SAP30BP: variants seen among roughly 807,000 people sequenced by gnomAD.
SAP30BP encodes SAP30 binding protein.
A neutral mutation model predicts 46.3 loss-of-function variants in SAP30BP; 31 were observed. The observed-to-expected ratio is 0.67, with a 90% CI of 0.50 to 0.90. The LOEUF (loss-of-function observed/expected upper bound fraction) is 0.90. Among genes scored for constraint, SAP30BP ranks in the 40% least tolerant of loss-of-function variants. The pLI is 0.00. For synonymous variants in SAP30BP, 169 were observed against 144.2 expected, an observed-to-expected ratio of 1.17 and a Z score of -1.23; for missense variants, 312 against 391.0, an observed-to-expected ratio of 0.80 and a Z score of 1.70.
At chr17:75,701,638 C>T (rs972525453) in intron 5 of SAP30BP, among the ~76,000 whole-genome samples, 1 of 152,196 alleles carries the variant, frequency 6.6e-6, no homozygotes, top group African/African-American at 2.4e-5. Flanking sequence ...CCATAAAAGA[C>T]ACATTCTAAA....
At chr17:75,678,104 C>G (rs2060019907) in intron 3 of SAP30BP, among the ~76,000 whole-genome samples, 1 of 151,966 alleles carries the variant, frequency 6.6e-6, no homozygotes, top group African/African-American at 2.4e-5. Flanking sequence ...AGTTCAAGCT[C>G]TGGAATGAGA....
intron 4 of SAP30BP, among the ~76,000 whole-genome samples, chr17:75,698,982 A>G (rs1039010904): frequency 1.3e-5 from 2 of 152,136 alleles, no homozygotes; most frequent in Non-Finnish European, 2.9e-5. Flanking sequence ...GGCTTGATCC[A>G]ACAGTTCAAG....
chr17:75,693,532 A>T, intron 4 of SAP30BP, 50 bp downstream of exon 4: 1 of 1,583,568 alleles, frequency 6.3e-7, no homozygotes, highest in Non-Finnish European at 8.7e-7. Context: ...TGCTCCTAGC[A>T]GCCTGGCTTC....
Position 75,668,619 on chromosome 17 carries a change from ACAGT to A in SAP30BP, c.212_215del (p.Gln71ArgfsTer72). 1 of 1,586,572 alleles carries A rather than the reference ACAGT, an allele frequency of 6.3e-7. No individual in the cohort carries two copies. Among genetic ancestry groups the A allele is most frequent in the Non-Finnish European group, 8.6e-7 (1 of 1,163,418 alleles). On this transcript the variant is annotated frameshift_variant and splice_region_variant, in exon 2 of 11. Transcript: ENST00000584667. LOFTEE classifies it high-confidence loss of function. ...AAGAAGAAGAAGATGAGAACAGTAG[ACAGT>A]CGGTAGGTAAATCTCCCAGATCCAG... is the stretch of plus-strand genomic sequence containing the variant.
rs199890182 is a variant in SAP30BP at position 75,703,804 on chromosome 17, G to T, written c.550-4G>T. 1.3e-3 allele frequency: 2,092 copies of T among 1,613,348 alleles called. 5 individuals carry two copies. Among genetic ancestry groups the T allele is most frequent in the Non-Finnish European group, 1.4e-3 (1,626 of 1,179,270 alleles). ...ATCTGAGTCATTCGCCTTTTCCTTT[G>T]CAGGATATGTTTGATCCCCATGGCT... is the stretch of plus-strand genomic sequence containing the variant. On this transcript the variant is annotated splice_region_variant and splice_polypyrimidine_tract_variant and intron_variant, in intron 7 of 10. Transcript: ENST00000584667.
chr17:75,691,336 T>A (rs889988462), intron 3 of SAP30BP: 4 of 428,516 alleles, frequency 9.3e-6, no homozygotes, highest in Non-Finnish European at 1.8e-5. Flanking sequence ...AGGAAAAAAA[T>A]AAAATAAAGG....
intron 2 of SAP30BP, 61 bp from the exon 3 acceptor site, chr17:75,671,755 C>A: frequency 7.7e-7 from 1 of 1,301,576 alleles, no homozygotes; most frequent in Non-Finnish European, 1.1e-6. Flanking sequence ...CCTAGTTATG[C>A]ATGTGAGACT....
At chr17:75,692,132 G>A (rs548830007) in intron 3 of SAP30BP, 1 of 739,324 alleles carries the variant, frequency 1.4e-6, no homozygotes, top group African/African-American at 1.9e-5. Context: ...CTGCCAGGTT[G>A]AATGAATAGC....
chr17:75,674,710 T>TTTTTTTTTTTTTTTTTTTG (rs2059963316), intron 3 of SAP30BP, among the ~76,000 whole-genome samples: 1 of 124,912 alleles, frequency 8.0e-6, no homozygotes, highest in Non-Finnish European at 1.7e-5. Context: ...TTTTTTTTTT[T>TTTTTTTTTTTTTTTTTTTG]TTTTTTTTTT....
rs66721865 is a variant in SAP30BP at position 75,674,697 on chromosome 17, G to GTTT, written c.264+2860_264+2862dup. Among the ~76,000 whole-genome samples the GTTT allele has an allele frequency of 1.4e-3, 89 of 61,538 alleles. 14 individuals carry two copies. Among genetic ancestry groups the GTTT allele is most frequent in the South Asian group, 2.4e-3 (3 of 1,238 alleles). The allele number at this position is 61,538 out of a possible 152,430, so 40.4% of individuals were successfully genotyped here. A position where few individuals can be genotyped will look rare whatever the true frequency, so the allele number is the denominator to read the frequency against. Reference sequence around the variant, plus strand: ...TATGAAGTTTTTTTGTTTGTTTTTTGTTTTTTTTTTTTTTTTTTTTTTTTT... The same window carrying GTTT: ...TATGAAGTTTTTTTGTTTGTTTTTTGTTTTTTTTTTTTTTTTTTTTTTTTTTTT... On this transcript the variant is annotated intron_variant, in intron 3 of 10. Coordinates refer to ENST00000584667, the MANE Select transcript of SAP30BP (RefSeq NM_013260.8).
intron 3 of SAP30BP, among the ~76,000 whole-genome samples, chr17:75,674,702 T>TTTTG (rs2059961685): frequency 1.2e-4 from 6 of 51,978 alleles, no homozygotes; most frequent in Non-Finnish European, 2.2e-4. Flanking sequence ...TTTTTGTTTT[T>TTTTG]TTTTTTTTTT....
intron 3 of SAP30BP, 156 bp from the exon 4 acceptor site, chr17:75,693,284 G>C (rs751876888): frequency 6.6e-6 from 4 of 608,490 alleles, no homozygotes; most frequent in South Asian, 2.1e-5. Context: ...GGAGGCTCGG[G>C]GGTGCCAGAG....
intron 9 of SAP30BP, 125 bp from the exon 10 acceptor site, chr17:75,705,883 A>G (rs954595200): frequency 7.2e-7 from 1 of 1,382,766 alleles, no homozygotes; most frequent in African/African-American, 1.4e-5. Context: ...TGGGCAGAGC[A>G]GAGTTCATTT....
chr17:75,670,280 C>T (rs2059889324), intron 2 of SAP30BP, among the ~76,000 whole-genome samples: 1 of 151,982 alleles, frequency 6.6e-6, no homozygotes, highest in Non-Finnish European at 1.5e-5. Context: ...CGAGATCACG[C>T]CACTGCACTC....
chr17:75,689,179 A>G (rs1418891315), intron 3 of SAP30BP, among the ~76,000 whole-genome samples: 4 of 141,888 alleles, frequency 2.8e-5, no homozygotes, highest in African/African-American at 1.1e-4. Context: ...TTTGGAGACA[A>G]TCTTGCTCTT....
At chr17:75,689,222 C>T (rs820221) in intron 3 of SAP30BP, among the ~76,000 whole-genome samples, 50,114 of 148,320 alleles carry the variant, frequency 0.34, 8,795 homozygotes, top group East Asian at 0.53. Flanking sequence ...AATCTCGGCT[C>T]ACTGCAACCT....
intron 3 of SAP30BP, among the ~76,000 whole-genome samples, chr17:75,676,693 G>A (rs1227513144): frequency 6.6e-6 from 1 of 152,210 alleles, no homozygotes; most frequent in East Asian, 1.9e-4. Flanking sequence ...CGTGGCTTCA[G>A]TAACCTGAGG....
intron 3 of SAP30BP, among the ~76,000 whole-genome samples, chr17:75,687,917 G>GGT (rs68006166): frequency 0.13 from 15,989 of 120,056 alleles, 868 homozygotes; most frequent in Admixed American, 0.2. Context: ...CAGTGTTTGG[G>GGT]GTGTGTGTGT....
At chr17:75,686,750 A>G (rs1353684467) in intron 3 of SAP30BP, among the ~76,000 whole-genome samples, 1 of 152,084 alleles carries the variant, frequency 6.6e-6, no homozygotes, top group African/African-American at 2.4e-5. Flanking sequence ...TGTGCTAGCA[A>G]TGGGCTTTCT....
Sources: allele counts gnomAD v4.1 joint callset (sites outside exome capture counted in the v4.1 genomes callset), GRCh38; gene constraint gnomAD v4.1.1; transcripts MANE v1.5; gene names NCBI Gene and HGNC (gene_info 2026-07-23, HGNC 2026-07-21).